Variants in GCNT1 observed in about 807,000 individuals in gnomAD.
GCNT1 encodes the protein glucosaminyl (N-acetyl) transferase 1.
A neutral mutation model predicts 26.2 loss-of-function variants in GCNT1; 16 were observed. The observed-to-expected ratio is 0.61, with a 90% CI of 0.41 to 0.93. GCNT1 has a LOEUF of 0.93. Among genes scored for constraint, GCNT1 ranks in the 40% least tolerant of loss-of-function variants. The probability of loss-of-function intolerance (pLI) is 0.00; values close to 1 mark genes in which losing one functional copy is unlikely to be tolerated. For missense variants in GCNT1, 477 were observed against 526.7 expected (o/e 0.91, Z 0.92); for synonymous variants, 183 against 190.8 (o/e 0.96, Z 0.34).
Position 76,506,863 on chromosome 9 carries a change from G to T in GCNT1, c.*3195G>T, listed in dbSNP as rs893286404. 2 of 166,602 alleles carry T rather than the reference G, an allele frequency of 1.2e-5. No individual in the cohort carries two copies. 10.3% of individuals were successfully genotyped at this position (166,602 alleles called of 1,614,324 possible). A position where few individuals can be genotyped will look rare whatever the true frequency, so the allele number is the denominator to read the frequency against. ...ATGTTTCAGTTCGTTTTCTCTGTAG[G>T]GTCGATTGAATTGGACCTTTTCAGT... On this transcript the variant is annotated 3_prime_UTR_variant, in exon 4 of 4. Coordinates refer to ENST00000376730, the MANE Select transcript of GCNT1 (RefSeq NM_001490.5).
chr9:76,406,281 G>T, the GCNT1 span, among the ~76,000 whole-genome samples: 2 of 152,112 alleles, frequency 1.3e-5, no homozygotes, highest in African/African-American at 4.8e-5. Flanking sequence ...GATTGCTCGA[G>T]CCCAGGAGTT....
At position 76,503,528 on chromosome 9, in the gene GCNT1, T is replaced by A; in HGVS notation, c.1147T>A (p.Phe383Ile). Residue 383 changes from phenylalanine (F) to isoleucine (I), a missense_variant, in exon 4 of 4, where the codon TTC becomes ATC. By Grantham distance (21) the Phe-to-Ile change is conservative. Coordinates refer to ENST00000376730, the MANE Select transcript of GCNT1 (RefSeq NM_001490.5). Reference sequence around the variant, plus strand: ...AGTCCATGTGCGCTCAGTGTGCATTTTCGGAGCTGGTGACTTGAACTGGAT... The same window carrying A: ...AGTCCATGTGCGCTCAGTGTGCATTATCGGAGCTGGTGACTTGAACTGGAT... ...DGVHVRSVCI[F>I]GAGDLNWMLR... 6.2e-7 allele frequency: 1 copy of A among 1,614,198 alleles called. No individual in the cohort carries two copies. Among genetic ancestry groups the A allele is most frequent in the East Asian group, 2.2e-5 (1 of 44,894 alleles).
intron 2 of GCNT1, among the ~76,000 whole-genome samples, chr9:76,487,642 G>A (rs1438473781): frequency 6.6e-6 from 1 of 152,128 alleles, no homozygotes; most frequent in African/African-American, 2.4e-5. Flanking sequence ...TTGTTATATG[G>A]CCTAGATGTT....
rs1824945304 is a variant in GCNT1, at chr9:76,497,642, G to A, written c.-289-3274G>A. On this transcript the variant is annotated intron_variant, in intron 2 of 3. Coordinates refer to ENST00000376730, the MANE Select transcript of GCNT1 (RefSeq NM_001490.5). ...GGTAAAGACCTATGCCTTTTTTGAG[G>A]TGAGATCCAAGTGTTTGGTTTTGAA... Among the ~76,000 whole-genome samples the A allele has an allele frequency of 1.3e-5, 2 of 152,210 alleles. 1 individual carries two copies. Among genetic ancestry groups the A allele is most frequent in the South Asian group, 4.1e-4 (2 of 4,828 alleles).
chr9:76,461,447 G>A (rs1001536839), intron 2 of GCNT1, among the ~76,000 whole-genome samples: 15 of 151,716 alleles, frequency 9.9e-5, no homozygotes, highest in African/African-American at 3.6e-4. Flanking sequence ...GCTGGGCGTG[G>A]TGGCTAGGCG....
chr9:76,475,250 C>G (rs1721431826), intron 2 of GCNT1, among the ~76,000 whole-genome samples: 1 of 152,160 alleles, frequency 6.6e-6, no homozygotes, highest in African/African-American at 2.4e-5. Context: ...ATAAAGATTG[C>G]CGCTCAGGTT....
At chr9:76,500,492 G>A (rs572102532) in intron 2 of GCNT1, among the ~76,000 whole-genome samples, 3 of 152,222 alleles carry the variant, frequency 2.0e-5, no homozygotes, top group East Asian at 1.9e-4. Context: ...TGTGGAGTGG[G>A]GTGGTGATCA....
intron 1 of GCNT1, among the ~76,000 whole-genome samples, chr9:76,443,590 A>G (rs917464308): frequency 1.3e-5 from 2 of 152,152 alleles, no homozygotes; most frequent in Admixed American, 6.5e-5. Context: ...TAAACCCACA[A>G]CCTTCCAGCA....
chr9:76,438,749 A>T (rs2131580161), upstream of GCNT1, among the ~76,000 whole-genome samples: 2 of 150,524 alleles, frequency 1.3e-5, no homozygotes, highest in East Asian at 3.9e-4. Context: ...TGGAAGAAGA[A>T]TTGTCTTGGG....
chr9:76,481,519 A>G (rs1264683496), intron 2 of GCNT1, among the ~76,000 whole-genome samples: 1 of 151,912 alleles, frequency 6.6e-6, no homozygotes, highest in African/African-American at 2.4e-5. Flanking sequence ...AATCCAAAAG[A>G]TTGAACACCC....
the GCNT1 span, among the ~76,000 whole-genome samples, chr9:76,408,752 A>G: frequency 6.6e-6 from 1 of 151,986 alleles, no homozygotes; most frequent in Non-Finnish European, 1.5e-5. Context: ...GAGTGGCACA[A>G]TCTTGGCTCA....
chr9:76,461,732 T>C (rs985238454), intron 2 of GCNT1, among the ~76,000 whole-genome samples: 2 of 151,486 alleles, frequency 1.3e-5, no homozygotes, highest in Non-Finnish European at 2.9e-5. Flanking sequence ...TACAAAAATA[T>C]TCAAAAATTA....
In GCNT1 at chr9:76,443,958, G is replaced by A. The variant is rs1331783724; in HGVS notation, c.-290+1643G>A. Among the ~76,000 whole-genome samples, 137 of 79,820 alleles carry A rather than the reference G, an allele frequency of 1.7e-3. 1 individual carries two copies. Among genetic ancestry groups the A allele is most frequent in the African/African-American group, 5.6e-3 (127 of 22,780 alleles). 52.4% of individuals were successfully genotyped at this position (79,820 alleles called of 152,430 possible). ...GGAAGGAAGGAAGGAAGGAAGGAAG[G>A]AAGGAAGGAAGGAAGGAAGGAAGGA... On this transcript the variant is annotated intron_variant, in intron 1 of 2. Coordinates refer to the GCNT1 transcript ENST00000442371.
chr9:76,446,550 A>G (rs1823580578), intron 1 of GCNT1, among the ~76,000 whole-genome samples: 1 of 152,220 alleles, frequency 6.6e-6, no homozygotes, highest in Non-Finnish European at 1.5e-5. Flanking sequence ...ATACATTTTG[A>G]CCAAGCAATA....
Position 76,503,254 on chromosome 9 carries a change from C to A in GCNT1, c.873C>A (p.Val291=). ...PLFSGSAYFV[V]SREYVGYVLQ... is the part of the protein sequence containing the mutation. ...TTTCTGGCAGTGCCTACTTCGTGGT[C>A]AGTAGGGAGTATGTGGGGTATGTAC... Residue 291 remains valine, a synonymous_variant, in exon 4 of 4, where the codon GTC becomes GTA. Coordinates refer to ENST00000376730, the MANE Select transcript of GCNT1 (RefSeq NM_001490.5). 1 of 1,614,024 alleles carries A rather than the reference C, an allele frequency of 6.2e-7. No individual in the cohort carries two copies. Among genetic ancestry groups the A allele is most frequent in the South Asian group, 1.1e-5 (1 of 91,038 alleles).
At chr9:76,449,775 C>T (rs987753106) in intron 1 of GCNT1, among the ~76,000 whole-genome samples, 4 of 152,032 alleles carry the variant, frequency 2.6e-5, no homozygotes, top group African/African-American at 7.2e-5. Context: ...TAAACCTTTT[C>T]GTTTTTGTTT....
intron 1 of GCNT1, among the ~76,000 whole-genome samples, chr9:76,452,665 A>G (rs1823690918): frequency 1.3e-5 from 2 of 152,122 alleles, no homozygotes; most frequent in Non-Finnish European, 2.9e-5. Context: ...ACTCCATGAC[A>G]AGACAGCACC....
chr9:76,429,543 T>A (rs559597503), intron 1 of GCNT1, among the ~76,000 whole-genome samples: 9 of 152,134 alleles, frequency 5.9e-5, no homozygotes, highest in Non-Finnish European at 1.3e-4. Flanking sequence ...GGGCTGGTGA[T>A]CTTGGCCAGG....
At chr9:76,499,026 T>C (rs971226329) in intron 2 of GCNT1, among the ~76,000 whole-genome samples, 3 of 147,776 alleles carry the variant, frequency 2.0e-5, no homozygotes, top group Non-Finnish European at 4.4e-5. Context: ...TAGTATTTCT[T>C]GTAGGGTAAG....
Sources: gnomAD v4.1 joint callset for allele counts (sites outside exome capture counted in the v4.1 genomes callset) on GRCh38, gnomAD v4.1.1 for gene constraint, MANE v1.5 for transcripts, NCBI Gene and HGNC (gene_info 2026-07-23, HGNC 2026-07-21) for gene names.